The following FGD4 variants were observed in gnomAD, a reference collection of about 807,000 sequenced individuals.
FGD4 encodes the protein FYVE, RhoGEF and PH domain-containing protein 4.
Under a neutral mutation model 102.0 loss-of-function variants are expected in FGD4, and 42 were observed. The observed-to-expected ratio is 0.41, with a 90% confidence interval of 0.32 to 0.53. The LOEUF (loss-of-function observed/expected upper bound fraction) is 0.53. FGD4 is among the 20% of genes least tolerant of loss of function. The probability of loss-of-function intolerance (pLI) is 0.21; values close to 1 mark genes in which losing one functional copy is unlikely to be tolerated. For missense variants in FGD4, 902 were observed against 1,078.2 expected, an observed-to-expected ratio of 0.84 and a Z score of 2.29; for synonymous variants, 380 against 375.7, an observed-to-expected ratio of 1.01 and a Z score of -0.13.
intron 1 of FGD4, among the ~76,000 whole-genome samples, chr12:32,499,919 G>C (rs1938063966): frequency 6.6e-6 from 1 of 152,254 alleles, no homozygotes; most frequent in Non-Finnish European, 1.5e-5. Flanking sequence ...TTGAGGGGCT[G>C]AGGCAGGAGG....
chr12:32,427,414 G>A (rs149833777), intron 1 of FGD4, among the ~76,000 whole-genome samples: 41 of 152,096 alleles, frequency 2.7e-4, no homozygotes, highest in Non-Finnish European at 4.6e-4. Context: ...ATTTGATTGC[G>A]CTGTAGTCTG....
At chr12:32,402,269 G>A (rs913552783) in intron 1 of FGD4, among the ~76,000 whole-genome samples, 2 of 151,680 alleles carry the variant, frequency 1.3e-5, no homozygotes, top group African/African-American at 4.9e-5. Context: ...TCAAAACCCC[G>A]TCTCTGCAAA....
intron 10 of FGD4, among the ~76,000 whole-genome samples, chr12:32,611,686 G>T (rs533786317): frequency 6.6e-6 from 1 of 152,238 alleles, no homozygotes; most frequent in East Asian, 1.9e-4. Flanking sequence ...ACCTGGTTTA[G>T]TCAACATTCC....
At chr12:32,626,206 A>T (rs1208688048) in intron 14 of FGD4, among the ~76,000 whole-genome samples, 1 of 152,250 alleles carries the variant, frequency 6.6e-6, no homozygotes, top group Non-Finnish European at 1.5e-5. Flanking sequence ...GCACTTTGGG[A>T]GGCCGAGGCA....
At chr12:32,480,312 C>T (rs1943704848) in intron 1 of FGD4, among the ~76,000 whole-genome samples, 1 of 151,928 alleles carries the variant, frequency 6.6e-6, no homozygotes, top group South Asian at 2.1e-4. Context: ...CAGGTACGTG[C>T]CACCATGCCC....
chr12:32,432,797 C>G (rs35105927), intron 1 of FGD4, among the ~76,000 whole-genome samples: 1 of 152,046 alleles, frequency 6.6e-6, no homozygotes, highest in Non-Finnish European at 1.5e-5. Flanking sequence ...TCTCCAACAC[C>G]TAGAAGAGTT....
intron 1 of FGD4, among the ~76,000 whole-genome samples, chr12:32,558,423 A>G (rs1354348835): frequency 6.6e-6 from 1 of 152,172 alleles, no homozygotes; most frequent in Admixed American, 6.5e-5. Context: ...GCATGGATGG[A>G]TGAGACAGTA....
chr12:32,585,242 A>G (rs951540353), intron 4 of FGD4, among the ~76,000 whole-genome samples: 2 of 143,358 alleles, frequency 1.4e-5, no homozygotes, highest in East Asian at 2.0e-4. Flanking sequence ...ATATATATAT[A>G]TATATATATA....
At chr12:32,534,216 A>G (rs1942041937) in intron 1 of FGD4, 2 of 967,464 alleles carry the variant, frequency 2.1e-6, no homozygotes, top group Non-Finnish European at 2.7e-6. Flanking sequence ...GTGCTCATAC[A>G]CTCCCTCTCA....
intron 1 of FGD4, among the ~76,000 whole-genome samples, chr12:32,406,007 G>T (rs965538390): frequency 6.6e-6 from 1 of 151,798 alleles, no homozygotes; most frequent in East Asian, 2.0e-4. Flanking sequence ...GTAATGGCGC[G>T]ATCTTGACTC....
chr12:32,604,179 G>A (rs1200091085), intron 7 of FGD4, among the ~76,000 whole-genome samples: 4 of 152,170 alleles, frequency 2.6e-5, no homozygotes, highest in Non-Finnish European at 1.5e-5. Flanking sequence ...GTGTCTGGGT[G>A]TGGACCTTTT....
chr12:32,468,469 A>T (rs992165231), intron 1 of FGD4, among the ~76,000 whole-genome samples: 2 of 152,194 alleles, frequency 1.3e-5, no homozygotes, highest in Non-Finnish European at 2.9e-5. Context: ...AAGCATGAAT[A>T]TTGAAAACAT....
chr12:32,413,306 T>C (rs1441445079), intron 1 of FGD4, among the ~76,000 whole-genome samples: 1 of 151,960 alleles, frequency 6.6e-6, no homozygotes, highest in Non-Finnish European at 1.5e-5. Flanking sequence ...AACCTATTTA[T>C]AGAAAAAAAA....
intron 1 of FGD4, among the ~76,000 whole-genome samples, chr12:32,404,133 A>G (rs1940820678): frequency 7.1e-6 from 1 of 140,982 alleles, no homozygotes; most frequent in Non-Finnish European, 1.5e-5. Flanking sequence ...TTTTGTTATG[A>G]GCTCAGCCAT....
chr12:32,575,153 T>C (rs1946024484), intron 2 of FGD4, among the ~76,000 whole-genome samples: 1 of 152,178 alleles, frequency 6.6e-6, no homozygotes, highest in Admixed American at 6.5e-5. Context: ...AGAAAGTAGA[T>C]GATTTGTGGT....
At chr12:32,460,392 G>A (rs895002269) in intron 1 of FGD4, among the ~76,000 whole-genome samples, 5 of 151,768 alleles carry the variant, frequency 3.3e-5, no homozygotes, top group South Asian at 2.1e-4. Context: ...GTGCGTGCCC[G>A]TAGCACCAGC....
intron 2 of FGD4, among the ~76,000 whole-genome samples, chr12:32,565,964 A>C (rs1945157790): frequency 6.6e-6 from 1 of 152,024 alleles, no homozygotes. Context: ...CTCACCTTTC[A>C]CCCTGCCCTT....
At chr12:32,626,586 C>G (rs1219056258) in intron 14 of FGD4, among the ~76,000 whole-genome samples, 1 of 152,038 alleles carries the variant, frequency 6.6e-6, no homozygotes, top group Non-Finnish European at 1.5e-5. Context: ...TGCCAAAGAT[C>G]ATGAGGCTGG....
chr12:32,486,164 G>T, intron 1 of FGD4: 2 of 1,521,508 alleles, frequency 1.3e-6, no homozygotes, highest in South Asian at 1.2e-5. Context: ...TTTTGCAATT[G>T]CCATTTCTGA....
Sources: allele counts gnomAD v4.1 joint callset (sites outside exome capture counted in the v4.1 genomes callset), GRCh38; gene constraint gnomAD v4.1.1; transcripts MANE v1.5; gene names NCBI Gene and HGNC (gene_info 2026-07-23, HGNC 2026-07-21).